VOPP1: variants seen among roughly 807,000 people sequenced by gnomAD.
VOPP1 encodes the protein VOPP1 WW domain binding protein, also known as WW domain binding protein VOPP1.
VOPP1 carries 8 observed loss-of-function variants against 23.5 expected under a neutral mutation model. The observed-to-expected ratio is 0.34, with a 90% CI of 0.20 to 0.61. The LOEUF (loss-of-function observed/expected upper bound fraction) is 0.61, where lower values mean the gene tolerates loss of function less well. VOPP1 is among the 20% of genes least tolerant of loss of function. The pLI, the probability that VOPP1 is intolerant of heterozygous loss-of-function variation, is 0.78. For synonymous variants in VOPP1, 83 were observed against 97.3 expected (o/e 0.85, Z 0.86); for missense variants, 174 against 238.1 (o/e 0.73, Z 1.77).
chr7:55,557,435 A>T (rs1303576007), intron 1 of VOPP1, among the ~76,000 whole-genome samples: 1 of 151,902 alleles, frequency 6.6e-6, no homozygotes, highest in Admixed American at 6.6e-5. Context: ...GGAAAGTTTT[A>T]AAAAAATACT....
At chr7:55,572,208 CG>C in intron 1 of VOPP1, 62 bp downstream of exon 1, 1 of 1,419,376 alleles carries the variant, frequency 7.0e-7, no homozygotes, top group Admixed American at 2.2e-5. Flanking sequence ...CGGAACTGCG[CG>C]CCCCCAGCCG....
intron 1 of VOPP1, among the ~76,000 whole-genome samples, chr7:55,558,249 A>T (rs1797874841): frequency 6.6e-6 from 1 of 152,080 alleles, no homozygotes; most frequent in African/African-American, 2.4e-5. Flanking sequence ...AGCAGGAGGA[A>T]ACTTTTAGAG....
chr7:55,555,453 G>C (rs933678505), intron 1 of VOPP1, among the ~76,000 whole-genome samples: 10 of 152,202 alleles, frequency 6.6e-5, no homozygotes, highest in Non-Finnish European at 1.0e-4. Context: ...CTCACTTTGT[G>C]AATCTGTAAA....
At chr7:55,564,229 TTCTC>T (rs1343271452) in intron 1 of VOPP1, among the ~76,000 whole-genome samples, 46 of 44,938 alleles carry the variant, frequency 1.0e-3, no homozygotes, top group African/African-American at 2.2e-3. Context: ...AACACACTCT[TTCTC>T]TCTGTCTCTG....
downstream of VOPP1, among the ~76,000 whole-genome samples, chr7:55,468,871 C>T (rs888279924): frequency 4.6e-5 from 7 of 152,106 alleles, no homozygotes; most frequent in African/African-American, 1.7e-4. Flanking sequence ...TAGAACTGTG[C>T]TTAGGATCAA....
chr7:55,555,748 A>T (rs1251712830), intron 1 of VOPP1, among the ~76,000 whole-genome samples: 2 of 152,218 alleles, frequency 1.3e-5, no homozygotes, highest in African/African-American at 4.8e-5. Context: ...TGCTGGGAAC[A>T]TAATTCTTTA....
intron 2 of VOPP1, among the ~76,000 whole-genome samples, chr7:55,516,912 ATATATATATATATATATAT>A (rs1795449823): frequency 3.2e-5 from 1 of 30,936 alleles, no homozygotes; most frequent in Non-Finnish European, 5.8e-5. Flanking sequence ...TTACATATAT[ATATATATATATATATATAT>A]ATTTTTTTTT....
intron 4 of VOPP1, among the ~76,000 whole-genome samples, chr7:55,457,120 T>C (rs1468409525): frequency 6.6e-6 from 1 of 152,130 alleles, no homozygotes. Flanking sequence ...CCTCTGGTAA[T>C]TATCAATCTT....
chr7:55,487,805 C>T (rs1323557510), intron 4 of VOPP1, among the ~76,000 whole-genome samples: 2 of 152,258 alleles, frequency 1.3e-5, no homozygotes, highest in Non-Finnish European at 2.9e-5. Context: ...CCCTTAACCA[C>T]CCCCTTGCCA....
chr7:55,552,021 CAAAA>C (rs202229227), intron 1 of VOPP1, among the ~76,000 whole-genome samples: 1 of 55,796 alleles, frequency 1.8e-5, no homozygotes, highest in African/African-American at 8.5e-5. Context: ...AGACTGTGTC[CAAAA>C]AAAAAAAAAA....
chr7:55,488,685 CT>C (rs780720728), intron 4 of VOPP1, among the ~76,000 whole-genome samples: 1 of 152,118 alleles, frequency 6.6e-6, no homozygotes, highest in Non-Finnish European at 1.5e-5. Flanking sequence ...ACTGCCCCCC[CT>C]GCCCCAGTGG....
chr7:55,479,632 AAAT>A (rs1219414990), intron 4 of VOPP1, among the ~76,000 whole-genome samples: 30 of 152,218 alleles, frequency 2.0e-4, no homozygotes, highest in Non-Finnish European at 1.2e-4. Context: ...GAGCAATATT[AAAT>A]ATTATTAAAT....
chr7:55,451,474 C>A, intron 4 of VOPP1, among the ~76,000 whole-genome samples: 1 of 152,188 alleles, frequency 6.6e-6, no homozygotes, highest in East Asian at 1.9e-4. Flanking sequence ...CTAAAAGCCA[C>A]AATGTACATA....
At chr7:55,503,687 T>G (rs549055551) in intron 2 of VOPP1, among the ~76,000 whole-genome samples, 1 of 151,940 alleles carries the variant, frequency 6.6e-6, no homozygotes, top group African/African-American at 2.4e-5. Flanking sequence ...CGTGACAGGG[T>G]TGGGGGTCTC....
At chr7:55,473,177 C>T in intron 4 of VOPP1, 132 bp from the exon 5 acceptor site, 12 of 1,372,966 alleles carry the variant, frequency 8.7e-6, no homozygotes, top group Non-Finnish European at 1.0e-5. Flanking sequence ...ACCCAACATG[C>T]CCGGTGAGGG....
At chr7:55,540,724 G>A (rs1357976447) in intron 1 of VOPP1, among the ~76,000 whole-genome samples, 1 of 152,200 alleles carries the variant, frequency 6.6e-6, no homozygotes, top group Non-Finnish European at 1.5e-5. Context: ...TCCCCTAAGT[G>A]TCAGGTCTTC....
chr7:55,446,430 C>A (rs1263706317), intron 4 of VOPP1, among the ~76,000 whole-genome samples: 2 of 152,156 alleles, frequency 1.3e-5, no homozygotes, highest in Non-Finnish European at 2.9e-5. Flanking sequence ...CTTAGAGATA[C>A]CACACCCTTC....
At chr7:55,496,096 C>T (rs573543225) in intron 3 of VOPP1, among the ~76,000 whole-genome samples, 1 of 152,334 alleles carries the variant, frequency 6.6e-6, no homozygotes, top group South Asian at 2.1e-4. Flanking sequence ...CCTAAAAGTT[C>T]AGCTGGACTT....
At chr7:55,443,890 G>A (rs954215629) in intron 4 of VOPP1, among the ~76,000 whole-genome samples, 71 of 152,086 alleles carry the variant, frequency 4.7e-4, no homozygotes, top group Non-Finnish European at 1.3e-4. Flanking sequence ...TGATCTGCCC[G>A]CCTCAGCCTC....
Sources: allele counts gnomAD v4.1 joint callset (sites outside exome capture counted in the v4.1 genomes callset), GRCh38; gene constraint gnomAD v4.1.1; transcripts MANE v1.5; gene names NCBI Gene and HGNC (gene_info 2026-07-23, HGNC 2026-07-21).